SCOC: variants seen among roughly 807,000 people sequenced by gnomAD.
The protein encoded by SCOC is short coiled coil protein.
SCOC carries 7 observed loss-of-function variants against 9.9 expected under a neutral mutation model. That is an observed-to-expected ratio of 0.71 (90% CI 0.40 to 1.33). The LOEUF is 1.33. Ranked by LOEUF, SCOC falls within the 40% of genes most tolerant of loss-of-function variation. The pLI is 0.01. For synonymous variants in SCOC, 19 were observed against 28.2 expected (o/e 0.67, Z 1.03); for missense variants, 66 against 89.7 (o/e 0.74, Z 1.07).
At chr4:140,360,039 T>C (rs1652912907) in intron 2 of SCOC, among the ~76,000 whole-genome samples, 1 of 152,186 alleles carries the variant, frequency 6.6e-6, no homozygotes, top group Admixed American at 6.5e-5. Context: ...TTTCCAGGTA[T>C]AATGAAATAA....
intron 2 of SCOC, among the ~76,000 whole-genome samples, chr4:140,360,330 C>G (rs998517951): frequency 6.6e-6 from 1 of 152,166 alleles, no homozygotes; most frequent in East Asian, 1.9e-4. Flanking sequence ...TAATAGTTCC[C>G]TGTGTAGAAC....
chr4:140,271,572 A>G (rs765908549), intron 1 of SCOC, among the ~76,000 whole-genome samples: 62 of 152,194 alleles, frequency 4.1e-4, no homozygotes, highest in Non-Finnish European at 8.7e-4. Flanking sequence ...AATGTAGAGT[A>G]AGAATCTAGC....
upstream of SCOC, chr4:140,373,587 C>A (rs971027348): frequency 1.9e-6 from 3 of 1,551,472 alleles, no homozygotes; most frequent in African/African-American, 4.1e-5. Context: ...GCGGCTGGGA[C>A]GGGATGGGAT....
intron 1 of SCOC, among the ~76,000 whole-genome samples, chr4:140,330,876 T>C (rs1732798083): frequency 6.6e-6 from 1 of 152,230 alleles, no homozygotes; most frequent in Non-Finnish European, 1.5e-5. Context: ...ATTTAATAGA[T>C]AAATACAGTT....
chr4:140,297,762 C>T (rs1731693915), intron 1 of SCOC, among the ~76,000 whole-genome samples: 1 of 151,948 alleles, frequency 6.6e-6, no homozygotes, highest in South Asian at 2.1e-4. Flanking sequence ...ATTCAAACAC[C>T]ATCACAGAGG....
At chr4:140,279,861 C>T (rs1404154268) in intron 1 of SCOC, among the ~76,000 whole-genome samples, 1 of 152,152 alleles carries the variant, frequency 6.6e-6, no homozygotes, top group Non-Finnish European at 1.5e-5. Flanking sequence ...GTGTCAGCAA[C>T]CCAGACTTCT....
At chr4:140,365,953 C>T (rs1396598805) in intron 2 of SCOC, among the ~76,000 whole-genome samples, 1 of 152,152 alleles carries the variant, frequency 6.6e-6, no homozygotes, top group Non-Finnish European at 1.5e-5. Flanking sequence ...AGGGTATTGG[C>T]ACCTCCTAAG....
chr4:140,267,896 C>G (rs568640705), intron 1 of SCOC, among the ~76,000 whole-genome samples: 1 of 152,138 alleles, frequency 6.6e-6, no homozygotes, highest in Non-Finnish European at 1.5e-5. Context: ...AGATCCCGAC[C>G]GATACACTGG....
chr4:140,273,102 C>G (rs1470660331), intron 1 of SCOC, among the ~76,000 whole-genome samples: 2 of 152,144 alleles, frequency 1.3e-5, no homozygotes, highest in African/African-American at 4.8e-5. Context: ...CAGGCCCCAG[C>G]AACAGCACAG....
At chr4:140,345,442 A>C (rs1726694960) in intron 2 of SCOC, among the ~76,000 whole-genome samples, 1 of 152,234 alleles carries the variant, frequency 6.6e-6, no homozygotes, top group Non-Finnish European at 1.5e-5. Flanking sequence ...AAAATGTGCC[A>C]GTTAACAAAG....
At chr4:140,314,738 G>A (rs148269338) in intron 1 of SCOC, among the ~76,000 whole-genome samples, 71 of 152,312 alleles carry the variant, frequency 4.7e-4, no homozygotes, top group Non-Finnish European at 8.5e-4. Context: ...AGAGCAGCTA[G>A]CGAGGTGCTA....
At chr4:140,362,053 T>A (rs1443001851) in intron 2 of SCOC, among the ~76,000 whole-genome samples, 8 of 139,424 alleles carry the variant, frequency 5.7e-5, no homozygotes, top group Non-Finnish European at 1.3e-4. Flanking sequence ...CTGAGAGTGA[T>A]TCTGAGCACG....
chr4:140,339,059 G>T (rs1262561880), upstream of SCOC, among the ~76,000 whole-genome samples: 1 of 152,076 alleles, frequency 6.6e-6, no homozygotes, highest in Non-Finnish European at 1.5e-5. Context: ...ATACTACAAG[G>T]CTACAGTAAC....
intron 1 of SCOC, among the ~76,000 whole-genome samples, chr4:140,274,103 G>C (rs543623933): frequency 6.6e-6 from 1 of 152,072 alleles, no homozygotes; most frequent in Non-Finnish European, 1.5e-5. Context: ...AAAATCATAG[G>C]GAAAAGAAGC....
chr4:140,361,317 T>TA (rs1421399148), intron 2 of SCOC, among the ~76,000 whole-genome samples: 4 of 151,854 alleles, frequency 2.6e-5, no homozygotes, highest in Non-Finnish European at 5.9e-5. Context: ...GTGACAATGT[T>TA]AAAATGCTGA....
intron 1 of SCOC, among the ~76,000 whole-genome samples, chr4:140,327,462 G>A (rs1732683402): frequency 6.6e-6 from 1 of 151,980 alleles, no homozygotes; most frequent in African/African-American, 2.4e-5. Context: ...CTTATTAGTG[G>A]ACAATTCAAC....
At chr4:140,276,204 G>C (rs766699333) in intron 1 of SCOC, among the ~76,000 whole-genome samples, 1 of 152,030 alleles carries the variant, frequency 6.6e-6, no homozygotes, top group African/African-American at 2.4e-5. Context: ...GGGTTTCACC[G>C]TGTTAGCCAG....
At chr4:140,307,946 T>C (rs555002193) in intron 1 of SCOC, among the ~76,000 whole-genome samples, 13 of 152,210 alleles carry the variant, frequency 8.5e-5, no homozygotes, top group Non-Finnish European at 1.8e-4. Context: ...CTTAATGTGA[T>C]TGATCAACCA....
At chr4:140,300,086 T>C (rs984743409) in intron 1 of SCOC, among the ~76,000 whole-genome samples, 1 of 152,170 alleles carries the variant, frequency 6.6e-6, no homozygotes, top group African/African-American at 2.4e-5. Flanking sequence ...TGAAGGGAGC[T>C]GGGAAATCTC....
Sources: allele counts gnomAD v4.1 joint callset (sites outside exome capture counted in the v4.1 genomes callset), GRCh38; gene constraint gnomAD v4.1.1; transcripts MANE v1.5; gene names NCBI Gene and HGNC (gene_info 2026-07-23, HGNC 2026-07-21).